The following EVL variants were observed in gnomAD, a reference collection of about 807,000 sequenced individuals.
EVL encodes the protein ena/VASP-like protein.
Under a neutral mutation model 59.6 loss-of-function variants are expected in EVL, and 21 were observed. The ratio of observed to expected loss-of-function variants is 0.35; its 90% confidence interval spans 0.25 to 0.51. The LOEUF (loss-of-function observed/expected upper bound fraction) is 0.51. EVL is among the 20% of genes least tolerant of loss of function. EVL has a pLI of 0.97. For missense variants in EVL, 462 were observed against 546.6 expected (o/e 0.85, Z 1.54); for synonymous variants, 198 against 203.5 (o/e 0.97, Z 0.23).
intron 13 of EVL, 126 bp from the exon 14 acceptor site, chr14:100,143,574 TG>T: frequency 1.7e-6 from 2 of 1,151,580 alleles, no homozygotes; most frequent in Non-Finnish European, 2.5e-6. Flanking sequence ...AAAGCCTGGG[TG>T]GGGCTCCCAG....
intron 9 of EVL, 68 bp from the exon 10 acceptor site, chr14:100,137,510 T>G: frequency 2.6e-6 from 4 of 1,532,810 alleles, no homozygotes; most frequent in African/African-American, 1.4e-5. Flanking sequence ...TTGGGGTGTT[T>G]AGGGGATTGG....
chr14:100,038,973 C>CA (rs1427004708), intron 1 of EVL, among the ~76,000 whole-genome samples: 1 of 152,110 alleles, frequency 6.6e-6, no homozygotes, highest in Non-Finnish European at 1.5e-5. Context: ...CTTCTGCAGC[C>CA]ATGACCCATA....
intron 8 of EVL, among the ~76,000 whole-genome samples, chr14:100,133,489 C>A (rs1180205689): frequency 6.6e-6 from 1 of 152,240 alleles, no homozygotes; most frequent in Admixed American, 6.5e-5. Context: ...CCCTGTCCTC[C>A]CATCAGTCAG....
At chr14:100,140,436 C>T (rs1313078054) in intron 11 of EVL, 1 of 152,166 alleles carries the variant, frequency 6.6e-6, no homozygotes, top group Admixed American at 6.5e-5. Context: ...CATGGTGAAA[C>T]CCCATCTCTG....
chr14:100,143,394 A>G (rs1365704157), intron 13 of EVL, among the ~76,000 whole-genome samples: 1 of 152,152 alleles, frequency 6.6e-6, no homozygotes, highest in Non-Finnish European at 1.5e-5. Context: ...TCCTCACACC[A>G]GAGTTCTGGT....
At chr14:100,133,289 G>A (rs1888555560) in intron 8 of EVL, among the ~76,000 whole-genome samples, 1 of 152,190 alleles carries the variant, frequency 6.6e-6, no homozygotes, top group East Asian at 1.9e-4. Flanking sequence ...CAGCCTGGCT[G>A]CCAGAGCTCC....
chr14:99,993,841 G>A (rs1366189023), intron 1 of EVL, among the ~76,000 whole-genome samples: 7 of 151,254 alleles, frequency 4.6e-5, no homozygotes, highest in South Asian at 2.1e-4. Flanking sequence ...ACAGGTGCCC[G>A]CCACCATGCC....
At chr14:100,006,343 G>C (rs1335158336) in intron 1 of EVL, among the ~76,000 whole-genome samples, 2 of 147,888 alleles carry the variant, frequency 1.4e-5, no homozygotes, top group African/African-American at 5.0e-5. Flanking sequence ...GAAGTGCAGT[G>C]GTGCGATCTT....
At chr14:99,973,749 C>T (rs2060751227) in intron 1 of EVL, among the ~76,000 whole-genome samples, 1 of 152,192 alleles carries the variant, frequency 6.6e-6, no homozygotes, top group South Asian at 2.1e-4. Flanking sequence ...AGGCATGAGC[C>T]ACCGAAAATA....
Position 100,143,949 on chromosome 14 carries a change from A to G in EVL, c.*211A>G, listed in dbSNP as rs779067131. On this transcript the variant is annotated 3_prime_UTR_variant, in exon 14 of 14. Coordinates refer to ENST00000392920, the MANE Select transcript of EVL (RefSeq NM_016337.3). ...TAGATTCTGCCTGACACGGAACACC[A>G]GGTCTGCTCGTCTTTTTTGTGTTTT... 9.7e-4 allele frequency: 546 copies of G among 563,420 alleles called. 6 individuals carry two copies. Among genetic ancestry groups the G allele is most frequent in the Non-Finnish European group, 1.8e-4 (59 of 319,694 alleles). 34.9% of individuals were successfully genotyped at this position (563,420 alleles called of 1,614,324 possible). A position where few individuals can be genotyped will look rare whatever the true frequency, so the allele number is the denominator to read the frequency against.
At chr14:100,037,532 A>G (rs1041390778) in intron 1 of EVL, among the ~76,000 whole-genome samples, 2 of 152,214 alleles carry the variant, frequency 1.3e-5, no homozygotes, top group Non-Finnish European at 2.9e-5. Context: ...TAGATGATGC[A>G]CTGTGGAAGG....
At chr14:100,063,887 T>C (rs2061880847), upstream of EVL, among the ~76,000 whole-genome samples, 1 of 152,198 alleles carries the variant, frequency 6.6e-6, no homozygotes, top group Non-Finnish European at 1.5e-5. Flanking sequence ...ACACCAAATA[T>C]GTTCTCTGGC....
intron 1 of EVL, among the ~76,000 whole-genome samples, chr14:100,070,835 C>T (rs2062034380): frequency 6.6e-6 from 1 of 152,228 alleles, no homozygotes; most frequent in Admixed American, 6.5e-5. Flanking sequence ...ATCAGAGTCA[C>T]AGACTCTGGG....
rs373155859 is a variant in EVL at position 100,046,405 on chromosome 14, A to C, written c.6-38282A>C. Among the ~76,000 whole-genome samples the C allele has an allele frequency of 8.5e-5, 13 of 152,298 alleles. No homozygotes were observed. The East Asian group carries it at 2.5e-3, about 29-fold the overall frequency. On this transcript the variant is annotated intron_variant, in intron 1 of 13. Transcript: ENST00000402714. ...AAATAGACCAGGTGAGGTGGCTCAC[A>C]CCTGTAATCCCAACACTTTGGGAGG...
chr14:100,143,462 C>T (rs916465898), intron 13 of EVL, among the ~76,000 whole-genome samples: 3 of 152,202 alleles, frequency 2.0e-5, no homozygotes, highest in Non-Finnish European at 2.9e-5. Context: ...TCTGTCCCTA[C>T]GCCAGGTCCT....
rs1044004362 is a variant in EVL at position 100,109,348 on chromosome 14, T to C, written c.358+11690T>C. On this transcript the variant is annotated intron_variant, in intron 3 of 13. Coordinates refer to ENST00000392920, the MANE Select transcript of EVL (RefSeq NM_016337.3). This position sits in a 1 kb window ranked among gnomAD's most constrained non-coding sequence, Gnocchi z 4.3. Reference sequence around the variant, plus strand: ...CCTTTGCCCTGCTGTTGTGAAGCCTTCCCAGTGCCCCAGAAGACCTCAGGC... The same window carrying C: ...CCTTTGCCCTGCTGTTGTGAAGCCTCCCCAGTGCCCCAGAAGACCTCAGGC... The C allele has an allele frequency of 1.8e-4, 63 of 356,260 alleles. No homozygotes were observed. The highest frequency in any genetic ancestry group is 1.3e-3 in the African/African-American group (61 of 46,740). 22.1% of individuals were successfully genotyped at this position (356,260 alleles called of 1,614,324 possible).
chr14:100,061,644 A>G (rs907870350), upstream of EVL, among the ~76,000 whole-genome samples: 6 of 152,058 alleles, frequency 3.9e-5, no homozygotes, highest in South Asian at 2.1e-4. Context: ...TTGAAAATCC[A>G]CCTAAACTTT....
rs1401971158 is a variant in EVL, at chr14:100,130,350, C to T, written c.839+666C>T. Among the ~76,000 whole-genome samples, 1 of 152,206 alleles carries T rather than the reference C, an allele frequency of 6.6e-6. No individual in the cohort carries two copies. The highest frequency in any genetic ancestry group is 2.4e-5 in the African/African-American group (1 of 41,442). ...GTCCAGGTCTTTCTCAAAAGGGATGCAAAGCTTGGATTTTATTTTTAAATA... is the reference window on the plus strand; with the variant it reads ...GTCCAGGTCTTTCTCAAAAGGGATGTAAAGCTTGGATTTTATTTTTAAATA... On this transcript the variant is annotated intron_variant, in intron 7 of 13. Transcript: ENST00000392920. This position sits in a 1 kb window ranked among gnomAD's most constrained non-coding sequence, Gnocchi z 4.8.
At chr14:100,030,816 C>T (rs767249876) in intron 1 of EVL, among the ~76,000 whole-genome samples, 1 of 152,166 alleles carries the variant, frequency 6.6e-6, no homozygotes, top group Admixed American at 6.5e-5. Context: ...ACCAAGTGAC[C>T]CCTGGTTCTC....
Sources: allele counts gnomAD v4.1 joint callset (sites outside exome capture counted in the v4.1 genomes callset), GRCh38; gene constraint gnomAD v4.1.1; non-coding constraint Gnocchi (gnomAD v3.1); transcripts MANE v1.5; gene names NCBI Gene and HGNC (gene_info 2026-07-23, HGNC 2026-07-21).